Variants in CNTNAP2 observed in about 807,000 individuals in gnomAD.
The protein encoded by CNTNAP2 is contactin associated protein 2.
CNTNAP2 carries 98 observed loss-of-function variants against 155.2 expected under a neutral mutation model. The observed-to-expected ratio is 0.63, with a 90% CI of 0.54 to 0.75. The LOEUF (loss-of-function observed/expected upper bound fraction) is 0.75. Ranked by LOEUF, CNTNAP2 falls within the 30% of genes least tolerant of loss-of-function variation. The pLI, the probability that CNTNAP2 is intolerant of heterozygous loss-of-function variation, is 0.00. For missense variants in CNTNAP2, 1,727 were observed against 1,688.1 expected, an observed-to-expected ratio of 1.02 and a Z score of -0.40; for synonymous variants, 651 against 631.2, an observed-to-expected ratio of 1.03 and a Z score of -0.47.
At chr7:148,046,344 G>A (rs1340483305) in intron 15 of CNTNAP2, among the ~76,000 whole-genome samples, 1 of 152,066 alleles carries the variant, frequency 6.6e-6, no homozygotes, top group East Asian at 1.9e-4. Context: ...ATGAGTGTGT[G>A]TATAACATGT....
chr7:146,492,021 C>T (rs757368191), intron 1 of CNTNAP2, among the ~76,000 whole-genome samples: 20 of 151,938 alleles, frequency 1.3e-4, no homozygotes, highest in Non-Finnish European at 2.6e-4. Flanking sequence ...TTCTGGATTC[C>T]AAGATGGTAA....
chr7:147,977,425 A>C (rs10952719), intron 14 of CNTNAP2, among the ~76,000 whole-genome samples: 1 of 151,794 alleles, frequency 6.6e-6, no homozygotes, highest in Non-Finnish European at 1.5e-5. Flanking sequence ...TATTTAACTC[A>C]TGTACAATAG....
intron 13 of CNTNAP2, among the ~76,000 whole-genome samples, chr7:147,683,678 A>T (rs1412963838): frequency 6.6e-6 from 1 of 151,252 alleles, no homozygotes; most frequent in Non-Finnish European, 1.5e-5. Context: ...TGGCACATGC[A>T]TTATAATATT....
intron 1 of CNTNAP2, among the ~76,000 whole-genome samples, chr7:146,533,983 A>C (rs781288947): frequency 6.6e-6 from 1 of 152,162 alleles, no homozygotes; most frequent in South Asian, 2.1e-4. Flanking sequence ...AGTCTATGTA[A>C]AATTCCAATC....
At chr7:146,482,884 A>G (rs1283091753) in intron 1 of CNTNAP2, among the ~76,000 whole-genome samples, 1 of 152,166 alleles carries the variant, frequency 6.6e-6, no homozygotes, top group Non-Finnish European at 1.5e-5. Context: ...TCCAACAGTG[A>G]CATTACTTAA....
chr7:147,825,613 G>A (rs1479168095), intron 13 of CNTNAP2, among the ~76,000 whole-genome samples: 1 of 152,158 alleles, frequency 6.6e-6, no homozygotes, highest in South Asian at 2.1e-4. Flanking sequence ...TTTCTGTTGA[G>A]AATAGAAAAC....
chr7:147,321,038 T>A (rs1251885517), intron 9 of CNTNAP2, among the ~76,000 whole-genome samples: 2 of 152,222 alleles, frequency 1.3e-5, no homozygotes, highest in East Asian at 3.9e-4. Context: ...TATGTGCAAA[T>A]AACCACACCT....
chr7:146,572,264 CTTTTTTTTTT>C (rs71165015), intron 1 of CNTNAP2, among the ~76,000 whole-genome samples: 3 of 126,192 alleles, frequency 2.4e-5, no homozygotes, highest in Admixed American at 8.0e-5. Context: ...TTTCTGTTGT[CTTTTTTTTTT>C]TTTTTTTTTT....
At chr7:146,655,284 C>A (rs1799976951) in intron 1 of CNTNAP2, among the ~76,000 whole-genome samples, 1 of 151,494 alleles carries the variant, frequency 6.6e-6, no homozygotes. Context: ...TATGGTGGTG[C>A]ACACCTGTAG....
chr7:146,395,405 T>G (rs1718076), intron 1 of CNTNAP2, among the ~76,000 whole-genome samples: 76,729 of 151,688 alleles, frequency 0.51, 21,371 homozygotes, highest in African/African-American at 0.74. Context: ...TAGTTTACAG[T>G]TAGTACTGCG....
At chr7:147,436,609 GAAGA>G (rs1316089915) in intron 10 of CNTNAP2, among the ~76,000 whole-genome samples, 2 of 152,186 alleles carry the variant, frequency 1.3e-5, no homozygotes, top group Non-Finnish European at 1.5e-5. Flanking sequence ...TATTGTAACA[GAAGA>G]GAGAGGCTGT....
chr7:146,493,192 A>G (rs1303178965), intron 1 of CNTNAP2, among the ~76,000 whole-genome samples: 1 of 152,190 alleles, frequency 6.6e-6, no homozygotes, highest in African/African-American at 2.4e-5. Context: ...CACAAGTATT[A>G]AGTCAAAATT....
In CNTNAP2 at chr7:147,293,486, T is replaced by G. The variant is rs534668583; in HGVS notation, c.1349-6655T>G. 2.0e-5 allele frequency among the ~76,000 whole-genome samples: 3 copies of G among 152,278 alleles called. No homozygotes were observed. In the South Asian group the frequency reaches 6.2e-4, roughly 32 times the overall value. ...ATAATTGATTATTAATAAGATATAT[T>G]AGTAACACATCATAGAACCCTGTAA... On this transcript the variant is annotated intron_variant, in intron 8 of 23. Transcript: ENST00000361727.
At chr7:148,045,175 C>T (rs560622667) in intron 15 of CNTNAP2, among the ~76,000 whole-genome samples, 3 of 152,286 alleles carry the variant, frequency 2.0e-5, no homozygotes, top group Admixed American at 6.5e-5. Flanking sequence ...GCCTGCCTCT[C>T]AGGGCCAACA....
At position 148,417,823 on chromosome 7, in the gene CNTNAP2, A is replaced by G. The variant is rs1800028822; in HGVS notation, c.*2207A>G. On this transcript the variant is annotated 3_prime_UTR_variant, in exon 24 of 24. Transcript: ENST00000361727. ...GTCTCAACACTTTCCCTTTTTTCCC[A>G]AAATGAGTAGAGAATTAAAGCCACC... is the stretch of plus-strand genomic sequence containing the variant. 1 of 152,208 alleles carries G rather than the reference A, an allele frequency of 6.6e-6. No homozygotes were observed. The highest frequency in any genetic ancestry group is 1.5e-5 in the Non-Finnish European group (1 of 68,024). The allele number at this position is 152,208 out of a possible 1,614,324, so 9.4% of individuals were successfully genotyped here.
intron 8 of CNTNAP2, among the ~76,000 whole-genome samples, chr7:147,236,133 C>T (rs774364058): frequency 1.3e-5 from 2 of 152,102 alleles, no homozygotes; most frequent in African/African-American, 4.8e-5. Flanking sequence ...GTCTGGATAC[C>T]CTCCAAACCT....
chr7:146,387,694 C>A (rs1259826417), intron 1 of CNTNAP2, among the ~76,000 whole-genome samples: 1 of 152,084 alleles, frequency 6.6e-6, no homozygotes, highest in Non-Finnish European at 1.5e-5. Context: ...TCTTTTCCAC[C>A]TTGTTCTTTG....
chr7:147,785,469 G>C (rs545798007), intron 13 of CNTNAP2, among the ~76,000 whole-genome samples: 1 of 152,218 alleles, frequency 6.6e-6, no homozygotes, highest in African/African-American at 2.4e-5. Flanking sequence ...AGGTGGGAAA[G>C]CCAGAACAAA....
In CNTNAP2 at chr7:148,180,549, G is replaced by GA. The variant is rs569209567; in HGVS notation, c.3010+8081dup. On this transcript the variant is annotated intron_variant, in intron 18 of 23. Coordinates refer to ENST00000361727, the MANE Select transcript of CNTNAP2 (RefSeq NM_014141.6). ...GTCTGACAAAGCCAGTTTCTCAGAA[G>GA]AAAAAAAAAACAAATTGAATAGGGA... Among the ~76,000 whole-genome samples the GA allele has an allele frequency of 6.6e-4, 96 of 145,810 alleles. 2 individuals carry two copies. In the South Asian group the frequency reaches 9.1e-3, roughly 14 times the overall value.
Sources: gnomAD v4.1 joint callset for allele counts (sites outside exome capture counted in the v4.1 genomes callset) on GRCh38, gnomAD v4.1.1 for gene constraint, MANE v1.5 for transcripts, NCBI Gene and HGNC (gene_info 2026-07-23, HGNC 2026-07-21) for gene names.